The following EIF4EBP2 variants were observed in gnomAD, a reference collection of about 807,000 sequenced individuals.
The protein encoded by EIF4EBP2 is eukaryotic translation initiation factor 4E-binding protein 2.
EIF4EBP2 carries 5 observed loss-of-function variants against 10.3 expected under a neutral mutation model. That is an observed-to-expected ratio of 0.48 (90% CI 0.25 to 1.02). The LOEUF (loss-of-function observed/expected upper bound fraction) is 1.02, where lower values mean the gene tolerates loss of function less well. Ranked by LOEUF, EIF4EBP2 falls within the 50% of genes least tolerant of loss-of-function variation. The pLI is 0.15. For synonymous variants in EIF4EBP2, 67 were observed against 61.1 expected, an observed-to-expected ratio of 1.10 and a Z score of -0.45; for missense variants, 188 against 162.2, an observed-to-expected ratio of 1.16 and a Z score of -0.86.
chr10:70,421,715 G>T lies in EIF4EBP2; in HGVS notation c.332-1G>T. On this transcript the variant is annotated splice_acceptor_variant, in intron 2 of 2. Coordinates refer to ENST00000373218, the MANE Select transcript of EIF4EBP2 (RefSeq NM_004096.5). LOFTEE classifies it high-confidence loss of function. ...CTCTTCATTTTATTGGTCCTAACTA[G>T]GGGATGATGCTCAGTTCGAGATGGA... 6.2e-7 allele frequency: 1 copy of T among 1,613,440 alleles called. No individual in the cohort carries two copies. Among genetic ancestry groups the T allele is most frequent in the Non-Finnish European group, 8.5e-7 (1 of 1,179,550 alleles).
intron 1 of EIF4EBP2, among the ~76,000 whole-genome samples, chr10:70,409,971 A>G (rs1393975175): frequency 1.3e-5 from 2 of 152,302 alleles, no homozygotes; most frequent in Non-Finnish European, 2.9e-5. Flanking sequence ...ATGGGTTTGG[A>G]AAAAAGGAGA....
At chr10:70,412,950 A>G (rs1845060178) in intron 1 of EIF4EBP2, among the ~76,000 whole-genome samples, 2 of 152,222 alleles carry the variant, frequency 1.3e-5, no homozygotes, top group African/African-American at 2.4e-5. Flanking sequence ...TCAACAATGT[A>G]AAAGAGGGTA....
At chr10:70,408,823 AAG>A (rs1163639949) in intron 1 of EIF4EBP2, among the ~76,000 whole-genome samples, 1 of 152,220 alleles carries the variant, frequency 6.6e-6, no homozygotes, top group Non-Finnish European at 1.5e-5. Flanking sequence ...TTAGTTCTGA[AAG>A]AGTAGAGTCA....
At chr10:70,420,224 C>G in intron 2 of EIF4EBP2, 125 bp downstream of exon 2, 22 of 915,474 alleles carry the variant, frequency 2.4e-5, no homozygotes, top group Non-Finnish European at 3.2e-5. Flanking sequence ...TTTTGAGACA[C>G]AGTCTCATTC....
chr10:70,416,637 G>A (rs1307609828), intron 1 of EIF4EBP2, among the ~76,000 whole-genome samples: 2 of 145,826 alleles, frequency 1.4e-5, no homozygotes, highest in Admixed American at 6.9e-5. Context: ...GTTACCATAT[G>A]ACCCAGTAGT....
Position 70,420,096 on chromosome 10 carries a change from G to T in EIF4EBP2, c.328G>T (p.Val110Phe). ...NLNNHDRKHA[V>F]GDDAQFEMDI ...GAACAATCACGACAGGAAACATGCA[G>T]TTGGTAAGAGAATGGCGATGTTGGA... The change falls in exon 2 of 3, where the codon GTT becomes TTT. Residue 110 changes from valine (V) to phenylalanine (F), a missense_variant. Val to Phe is a conservative substitution (Grantham distance 50). Transcript: ENST00000373218. 6.3e-7 allele frequency: 1 copy of T among 1,599,458 alleles called. No individual in the cohort carries two copies. The highest frequency in any genetic ancestry group is 8.5e-7 in the Non-Finnish European group (1 of 1,174,084).
At chr10:70,415,167 AAAAAAGAAAAG>A (rs1260982144) in intron 1 of EIF4EBP2, among the ~76,000 whole-genome samples, 12 of 152,072 alleles carry the variant, frequency 7.9e-5, no homozygotes, top group Admixed American at 3.3e-4. Context: ...CGAAAAAAAA[AAAAAAGAAAAG>A]AAAAAGAAAG....
At chr10:70,414,837 C>T (rs938373010) in intron 1 of EIF4EBP2, among the ~76,000 whole-genome samples, 3 of 151,380 alleles carry the variant, frequency 2.0e-5, no homozygotes, top group South Asian at 2.1e-4. Context: ...CCTGCACTCC[C>T]GCCTGGGCAG....
intron 1 of EIF4EBP2, among the ~76,000 whole-genome samples, chr10:70,413,833 C>G (rs1589147090): frequency 6.6e-6 from 1 of 152,100 alleles, no homozygotes; most frequent in Non-Finnish European, 1.5e-5. Flanking sequence ...ATTTTTGTAA[C>G]ACTCCATCAA....
In EIF4EBP2 at chr10:70,424,253, GA is replaced by G. The variant is rs1453245865; in HGVS notation, c.*2508del. ...GCTTCTGCATGTGACCCCCTAATCAGAAGGCATGTTTTTAGTATTTCTTGGG... is the reference window on the plus strand; with the variant it reads ...GCTTCTGCATGTGACCCCCTAATCAGAGGCATGTTTTTAGTATTTCTTGGG... On this transcript the variant is annotated 3_prime_UTR_variant, in exon 3 of 3. Transcript: ENST00000373218. 1 of 152,110 alleles carries G rather than the reference GA, an allele frequency of 6.6e-6. No homozygotes were observed. Among genetic ancestry groups the G allele is most frequent in the Non-Finnish European group, 1.5e-5 (1 of 68,034 alleles). 9.4% of individuals were successfully genotyped at this position (152,110 alleles called of 1,614,324 possible). A position where few individuals can be genotyped will look rare whatever the true frequency, so the allele number is the denominator to read the frequency against.
rs553788176 is a variant in EIF4EBP2, at chr10:70,416,200, A to G, written c.146-3714A>G. ...AAACCACAGTGAGAAACCACTTCAT[A>G]TCTGCTAATGTTGGCTACAATATAT... On this transcript the variant is annotated intron_variant, in intron 1 of 2. Transcript: ENST00000373218. Among the ~76,000 whole-genome samples the G allele has an allele frequency of 8.2e-4, 125 of 152,332 alleles. 1 individual carries two copies. The highest frequency in any genetic ancestry group is 2.9e-3 in the African/African-American group (121 of 41,578).
At chr10:70,411,854 ATCCTC>A (rs1845049530) in intron 1 of EIF4EBP2, among the ~76,000 whole-genome samples, 1 of 152,170 alleles carries the variant, frequency 6.6e-6, no homozygotes, top group African/African-American at 2.4e-5. Flanking sequence ...TCTGTCTCCT[ATCCTC>A]TTAATTTAAC....
At chr10:70,413,773 C>T (rs1845067041) in intron 1 of EIF4EBP2, among the ~76,000 whole-genome samples, 1 of 151,908 alleles carries the variant, frequency 6.6e-6, no homozygotes, top group Non-Finnish European at 1.5e-5. Flanking sequence ...CAATATAAGA[C>T]TAAGGAGCAT....
In EIF4EBP2 at chr10:70,423,142, A is replaced by T. The variant is rs752261492; in HGVS notation, c.*1395A>T. The T allele has an allele frequency of 6.6e-6, 1 of 152,638 alleles. No individual in the cohort carries two copies. Among genetic ancestry groups the T allele is most frequent in the East Asian group, 1.9e-4 (1 of 5,200 alleles). The allele number at this position is 152,638 out of a possible 1,614,324, so 9.5% of individuals were successfully genotyped here. On this transcript the variant is annotated 3_prime_UTR_variant, in exon 3 of 3. Coordinates refer to ENST00000373218, the MANE Select transcript of EIF4EBP2 (RefSeq NM_004096.5). ...GATGACTACAGACCTATTTTTAGATATGTTTTCAGTACAATTTTGAACAGC... is the reference window on the plus strand; with the variant it reads ...GATGACTACAGACCTATTTTTAGATTTGTTTTCAGTACAATTTTGAACAGC...
At chr10:70,415,474 C>G (rs1325337998) in intron 1 of EIF4EBP2, among the ~76,000 whole-genome samples, 2 of 145,392 alleles carry the variant, frequency 1.4e-5, no homozygotes, top group African/African-American at 5.1e-5. Flanking sequence ...CCTAAAATAT[C>G]CAGAACAATC....
At position 70,424,632 on chromosome 10, in the gene EIF4EBP2, A is replaced by C. The variant is rs920336067; in HGVS notation, c.*2885A>C. The C allele has an allele frequency of 2.0e-5, 3 of 152,236 alleles. No homozygotes were observed. The highest frequency in any genetic ancestry group is 7.2e-5 in the African/African-American group (3 of 41,458). The allele number at this position is 152,236 out of a possible 1,614,324, so 9.4% of individuals were successfully genotyped here. The stretch of plus-strand genomic sequence containing the variant: ...CACTCTTAAGTTACCACTTTGAGAC[A>C]GCTCTTAACATCTTAGTGACCATTT... On this transcript the variant is annotated 3_prime_UTR_variant, in exon 3 of 3. Transcript: ENST00000373218.
intron 1 of EIF4EBP2, among the ~76,000 whole-genome samples, chr10:70,417,467 A>C (rs79777374): frequency 6.6e-6 from 1 of 152,238 alleles, no homozygotes; most frequent in Non-Finnish European, 1.5e-5. Flanking sequence ...TGAATTATAC[A>C]CTGTAAGTGG....
rs575971845 is a variant in EIF4EBP2, at chr10:70,424,818, G to A, written c.*3071G>A. The A allele has an allele frequency of 6.6e-6, 1 of 152,290 alleles. No individual in the cohort carries two copies. Among genetic ancestry groups the A allele is most frequent in the East Asian group, 1.9e-4 (1 of 5,186 alleles). 9.4% of individuals were successfully genotyped at this position (152,290 alleles called of 1,614,324 possible). A position where few individuals can be genotyped will look rare whatever the true frequency, so the allele number is the denominator to read the frequency against. ...TTGAGTTCAGCAGTTCTCATATTCT[G>A]TTTAAATAGGTACAGCATTTTCAAG... On this transcript the variant is annotated 3_prime_UTR_variant, in exon 3 of 3. Coordinates refer to ENST00000373218, the MANE Select transcript of EIF4EBP2 (RefSeq NM_004096.5).
rs560193059 is a variant in EIF4EBP2 at position 70,416,391 on chromosome 10, C to T, written c.146-3523C>T. Among the ~76,000 whole-genome samples the T allele has an allele frequency of 5.9e-5, 9 of 152,022 alleles. No individual in the cohort carries two copies. In the East Asian group the frequency reaches 1.6e-3, roughly 26 times the overall value. ...GTCAAGAGATCGAGACCATCCTAGC[C>T]GACATGGTGAAACCCTGTCTCTACT... On this transcript the variant is annotated intron_variant, in intron 1 of 2. Coordinates refer to ENST00000373218, the MANE Select transcript of EIF4EBP2 (RefSeq NM_004096.5).
Sources: allele counts gnomAD v4.1 joint callset (sites outside exome capture counted in the v4.1 genomes callset), GRCh38; gene constraint gnomAD v4.1.1; transcripts MANE v1.5; gene names NCBI Gene and HGNC (gene_info 2026-07-23, HGNC 2026-07-21).